S100PBP: variants seen among roughly 807,000 people sequenced by gnomAD.
The protein encoded by S100PBP is S100P-binding protein.
Under a neutral mutation model 39.9 loss-of-function variants are expected in S100PBP, and 15 were observed. The ratio of observed to expected loss-of-function variants is 0.38; its 90% CI spans 0.25 to 0.58. S100PBP has a LOEUF of 0.58. Ranked by LOEUF, S100PBP falls within the 20% of genes least tolerant of loss-of-function variation. S100PBP has a pLI of 0.70. For synonymous variants in S100PBP, 178 were observed against 180.3 expected (o/e 0.99, Z 0.10); for missense variants, 504 against 487.3 (o/e 1.03, Z -0.32).
At chr1:32,828,218 C>T (rs187414180) in intron 4 of S100PBP, 137 bp downstream of exon 4, 1 of 556,032 alleles carries the variant, frequency 1.8e-6, no homozygotes, top group East Asian at 3.1e-5. Flanking sequence ...TCTAGCACTA[C>T]CAACTATGTG....
chr1:32,830,139 A>G, intron 5 of S100PBP, 72 bp downstream of exon 5: 1 of 913,950 alleles, frequency 1.1e-6, no homozygotes, highest in Admixed American at 2.1e-5. Flanking sequence ...AACAGCTTAA[A>G]CTGGGAGATT....
At chr1:32,851,661 AT>A (rs935675577) in intron 5 of S100PBP, among the ~76,000 whole-genome samples, 3 of 151,900 alleles carry the variant, frequency 2.0e-5, no homozygotes, top group Non-Finnish European at 2.9e-5. Context: ...GTGAGACTCC[AT>A]CTCCCACCCC....
chr1:32,817,331 A>G (rs965843256), upstream of S100PBP: 41 of 1,554,910 alleles, frequency 2.6e-5, no homozygotes, highest in African/African-American at 5.4e-4. Flanking sequence ...GGGAACTGTC[A>G]CGCGAGTCCA....
chr1:32,839,710 G>A (rs966253772), intron 5 of S100PBP, among the ~76,000 whole-genome samples: 13 of 152,076 alleles, frequency 8.5e-5, no homozygotes, highest in Non-Finnish European at 5.9e-5. Context: ...GGGTCTCACT[G>A]TGTTGCTCAG....
chr1:32,834,114 C>A, intron 5 of S100PBP: 3 of 214,616 alleles, frequency 1.4e-5, no homozygotes, highest in Non-Finnish European at 2.2e-5. Context: ...ATGGTCCTGC[C>A]CCAAAAAATT....
chr1:32,845,560 T>G (rs985131312), intron 5 of S100PBP, among the ~76,000 whole-genome samples: 2 of 152,126 alleles, frequency 1.3e-5, no homozygotes, highest in Non-Finnish European at 2.9e-5. Context: ...TTCTAGCTTT[T>G]TAATGTGGAA....
At chr1:32,841,542 C>G (rs1449321091) in intron 5 of S100PBP, among the ~76,000 whole-genome samples, 1 of 151,700 alleles carries the variant, frequency 6.6e-6, no homozygotes, top group Non-Finnish European at 1.5e-5. Flanking sequence ...CCAGCCTGAC[C>G]AACATGGAGA....
At chr1:32,823,270 C>CTA (rs1553128302) in intron 1 of S100PBP, among the ~76,000 whole-genome samples, 3 of 152,208 alleles carry the variant, frequency 2.0e-5, no homozygotes, top group Admixed American at 1.3e-4. Context: ...CTGTGATAAC[C>CTA]TGTCTGACAA....
At chr1:32,842,236 T>TATATATAC (rs372174677) in intron 5 of S100PBP, among the ~76,000 whole-genome samples, 19,330 of 80,124 alleles carry the variant, frequency 0.24, 2,351 homozygotes, top group Non-Finnish European at 0.32. Flanking sequence ...TATATATATA[T>TATATATAC]ACACACACAC....
At chr1:32,840,398 C>G (rs146332532) in intron 5 of S100PBP, among the ~76,000 whole-genome samples, 1 of 152,282 alleles carries the variant, frequency 6.6e-6, no homozygotes, top group East Asian at 1.9e-4. Flanking sequence ...CTCTGTTGCC[C>G]AAGCTGGAAT....
At chr1:32,832,517 G>A (rs1338924152) in intron 5 of S100PBP, among the ~76,000 whole-genome samples, 1 of 151,972 alleles carries the variant, frequency 6.6e-6, no homozygotes, top group Non-Finnish European at 1.5e-5. Flanking sequence ...ACAGACCTCT[G>A]GCACTTCCTT....
intron 5 of S100PBP, chr1:32,843,310 CT>C (rs1557506102): frequency 9.1e-6 from 1 of 109,302 alleles, no homozygotes; most frequent in African/African-American, 3.0e-5. Context: ...GAGATCTTTT[CT>C]TTTTGTTTGT....
chr1:32,823,113 G>A (rs1002945310), intron 1 of S100PBP, among the ~76,000 whole-genome samples: 2 of 152,288 alleles, frequency 1.3e-5, no homozygotes, highest in African/African-American at 4.8e-5. Context: ...TCATGCTTCT[G>A]AACTTTAGTT....
At chr1:32,844,059 G>A (rs921552307) in intron 5 of S100PBP, among the ~76,000 whole-genome samples, 2 of 151,804 alleles carry the variant, frequency 1.3e-5, no homozygotes, top group East Asian at 1.9e-4. Context: ...GACTACAGGC[G>A]CCTGCCACCA....
rs1640894487 is a variant in S100PBP at position 32,858,349 on chromosome 1, A to G, written c.*2311A>G. On this transcript the variant is annotated 3_prime_UTR_variant, in exon 7 of 7. Coordinates refer to ENST00000373475, the MANE Select transcript of S100PBP (RefSeq NM_022753.4). ...AGCTCAAATAATTCTGTTTTTCCAA[A>G]GCTTTAGCAGCTTAATTAAATCTGT... The G allele has an allele frequency of 6.6e-6, 1 of 152,668 alleles. No individual in the cohort carries two copies. The highest frequency in any genetic ancestry group is 2.1e-4 in the South Asian group (1 of 4,830). 9.5% of individuals were successfully genotyped at this position (152,668 alleles called of 1,614,324 possible).
intron 5 of S100PBP, among the ~76,000 whole-genome samples, chr1:32,851,860 GTA>G (rs1164839006): frequency 6.6e-6 from 1 of 152,152 alleles, no homozygotes. Context: ...TGATTATAAT[GTA>G]TGTTAAAATT....
chr1:32,831,491 A>C (rs1639596680), intron 5 of S100PBP, among the ~76,000 whole-genome samples: 1 of 152,020 alleles, frequency 6.6e-6, no homozygotes, highest in Non-Finnish European at 1.5e-5. Flanking sequence ...CTTTTGACAA[A>C]TCTTGAATTA....
chr1:32,824,497 A>G (rs910377709), intron 1 of S100PBP, among the ~76,000 whole-genome samples: 2 of 152,158 alleles, frequency 1.3e-5, no homozygotes, highest in African/African-American at 4.8e-5. Context: ...AAATGATACA[A>G]AGTCCAACCT....
chr1:32,831,718 A>G (rs904807672), intron 5 of S100PBP, among the ~76,000 whole-genome samples: 1 of 151,940 alleles, frequency 6.6e-6, no homozygotes, highest in African/African-American at 2.4e-5. Flanking sequence ...CTCTCCCCCC[A>G]TCATTGGAGG....
Sources: allele counts gnomAD v4.1 joint callset (sites outside exome capture counted in the v4.1 genomes callset), GRCh38; gene constraint gnomAD v4.1.1; transcripts MANE v1.5; gene names NCBI Gene and HGNC (gene_info 2026-07-23, HGNC 2026-07-21).